Variants in APTX observed in about 807,000 individuals in gnomAD.
APTX encodes the protein forkhead-associated domain histidine triad-like protein.
In APTX, 33 loss-of-function variants were observed where a neutral mutation model predicts 42.3. The ratio of observed to expected loss-of-function variants is 0.78; its 90% CI spans 0.59 to 1.04. The LOEUF (loss-of-function observed/expected upper bound fraction) is 1.04. APTX is among the 50% of genes least tolerant of loss of function. APTX has a pLI of 0.00. For synonymous variants in APTX, 130 were observed against 146.7 expected, an observed-to-expected ratio of 0.89 and a Z score of 0.82; for missense variants, 421 against 415.1, an observed-to-expected ratio of 1.01 and a Z score of -0.12.
At chr9:32,986,632 G>T (rs1368193667) in intron 4 of APTX, among the ~76,000 whole-genome samples, 2 of 151,512 alleles carry the variant, frequency 1.3e-5, no homozygotes, top group African/African-American at 2.4e-5. Context: ...CTCTGGAGTT[G>T]CTGGGATTAT....
In APTX at chr9:32,986,546, A is replaced by G. The variant is rs560644184; in HGVS notation, c.484-516T>C. On this transcript the variant is annotated intron_variant, in intron 4 of 7. Transcript: ENST00000379817. ...AGATGGGGTTTCGCTCTTGTTGCCCAGGCTGGAGTACAATGGCGTGATCTC... is the reference window on the plus strand; with the variant it reads ...AGATGGGGTTTCGCTCTTGTTGCCCGGGCTGGAGTACAATGGCGTGATCTC... Among the ~76,000 whole-genome samples, 9 of 147,872 alleles carry G rather than the reference A, an allele frequency of 6.1e-5. No homozygotes were observed. The East Asian group carries it at 1.2e-3, about 20-fold the overall frequency.
chr9:32,988,095 G>A lies in APTX; in HGVS notation c.168C>T (p.Val56=), dbSNP rs1832633915. Residue 56 remains valine, a synonymous_variant, in exon 3 of 8, where the codon GTC becomes GTT. Transcript: ENST00000379817. ...TAAATACACCTACCTGCTTTACCTT[G>A]ACATATCCCTTGTTACACTCTGCTT... is the stretch of plus-strand genomic sequence containing the variant. The part of the protein sequence containing the change: ...QLKAECNKGY[V]KVKQVGVNPT... 1.2e-6 allele frequency: 2 copies of A among 1,613,992 alleles called. No individual in the cohort carries two copies. Among genetic ancestry groups the A allele is most frequent in the Non-Finnish European group, 1.7e-6 (2 of 1,179,916 alleles).
At chr9:32,995,336 C>A (rs1834573744) in intron 1 of APTX, among the ~76,000 whole-genome samples, 1 of 152,108 alleles carries the variant, frequency 6.6e-6, no homozygotes, top group Admixed American at 6.5e-5. Flanking sequence ...TTAACATAAA[C>A]AGGAGTTTGG....
intron 1 of APTX, among the ~76,000 whole-genome samples, chr9:32,991,866 T>C (rs1448578875): frequency 6.6e-6 from 1 of 151,148 alleles, no homozygotes; most frequent in African/African-American, 2.4e-5. Flanking sequence ...CAAGGAGACA[T>C]AATTTGGGGA....
chr9:32,998,480 T>C (rs1030013915), intron 1 of APTX, among the ~76,000 whole-genome samples: 1 of 152,108 alleles, frequency 6.6e-6, no homozygotes, highest in African/African-American at 2.4e-5. Context: ...CAAATGCCCA[T>C]CAATGATAGA....
intron 1 of APTX, among the ~76,000 whole-genome samples, chr9:32,993,743 C>A (rs1005227085): frequency 9.0e-5 from 12 of 133,578 alleles, no homozygotes; most frequent in Admixed American, 8.8e-4. Flanking sequence ...TTTTTTGAGA[C>A]AGAGTTTTGC....
Position 32,986,081 on chromosome 9 carries a change from A to G in APTX, c.484-51T>C. ...AAAAAAAAAAAAAAACAAGCAATGT[A>G]AATTACAAATGCCAATAATTAAATT... On this transcript the variant is annotated intron_variant, in intron 4 of 7. Transcript: ENST00000379817. 2.7e-6 allele frequency: 4 copies of G among 1,482,912 alleles called. No individual in the cohort carries two copies. In the South Asian group the frequency reaches 3.5e-5, roughly 13 times the overall value. The allele number at this position is 1,482,912 out of a possible 1,614,324, so 91.9% of individuals were successfully genotyped here.
chr9:33,005,457 G>A (rs1837071074), upstream of APTX, among the ~76,000 whole-genome samples: 2 of 151,872 alleles, frequency 1.3e-5, no homozygotes, highest in African/African-American at 2.4e-5. Context: ...GTTTTTGTGA[G>A]ACAGAGTCTT....
At chr9:32,977,524 C>A (rs2118406789) in intron 6 of APTX, among the ~76,000 whole-genome samples, 1 of 150,104 alleles carries the variant, frequency 6.7e-6, no homozygotes, top group African/African-American at 2.4e-5. Context: ...TAAAAAAATT[C>A]ATTTATAAAA....
At chr9:33,004,630 C>CTTT (rs3065216), upstream of APTX, among the ~76,000 whole-genome samples, 91 of 125,682 alleles carry the variant, frequency 7.2e-4, 1 homozygote, top group Non-Finnish European at 9.5e-4. Flanking sequence ...CTTGCCAACC[C>CTTT]TTTTTTTTTT....
At chr9:32,999,889 G>A (rs1835856826) in intron 1 of APTX, among the ~76,000 whole-genome samples, 1 of 152,194 alleles carries the variant, frequency 6.6e-6, no homozygotes, top group African/African-American at 2.4e-5. Context: ...GAACCCGGGA[G>A]GCGGAGCTTG....
At chr9:32,981,422 ATG>A (rs766271125) in intron 6 of APTX, among the ~76,000 whole-genome samples, 2 of 150,216 alleles carry the variant, frequency 1.3e-5, no homozygotes, top group Non-Finnish European at 3.0e-5. Context: ...AGGGGTGTGT[ATG>A]TGTGTGTGTG....
intron 1 of APTX, among the ~76,000 whole-genome samples, chr9:33,015,423 G>A (rs1427878475): frequency 2.0e-5 from 3 of 152,040 alleles, no homozygotes; most frequent in Admixed American, 6.6e-5. Context: ...GCAATGGCGC[G>A]ATCTCAGCTC....
chr9:32,989,752 C>A lies in APTX; in HGVS notation c.133+7G>T, dbSNP rs770529387. 3.7e-6 allele frequency: 6 copies of A among 1,614,096 alleles called. No individual in the cohort carries two copies. In the African/African-American group the frequency reaches 8.0e-5, roughly 22 times the overall value. ...ATAGTAATCTCCACATTTCTATGAC[C>A]AGTTACCTTGCTGTCGAGAACATTT... On this transcript the variant is annotated splice_region_variant and intron_variant, in intron 2 of 7. Coordinates refer to ENST00000379817, the MANE Select transcript of APTX (RefSeq NM_001195248.2).
At chr9:32,982,258 G>C (rs1425336228) in intron 6 of APTX, among the ~76,000 whole-genome samples, 1 of 152,158 alleles carries the variant, frequency 6.6e-6, no homozygotes. Flanking sequence ...AAAGTGTCAA[G>C]GTCATGAAAG....
chr9:32,999,351 G>C (rs376601385), intron 1 of APTX, among the ~76,000 whole-genome samples: 1 of 152,212 alleles, frequency 6.6e-6, no homozygotes, highest in Non-Finnish European at 1.5e-5. Context: ...TGGATATAAA[G>C]AGAAAGAAAG....
chr9:32,985,571 G>T (rs183062013), intron 5 of APTX, among the ~76,000 whole-genome samples: 2 of 151,948 alleles, frequency 1.3e-5, no homozygotes, highest in Non-Finnish European at 2.9e-5. Flanking sequence ...CCTGACCTCA[G>T]GTGATCCTCC....
Position 33,001,602 on chromosome 9 carries a change from C to T in APTX, c.-40G>A, listed in dbSNP as rs560484357. 6.2e-7 allele frequency: 1 copy of T among 1,613,986 alleles called. No individual in the cohort carries two copies. Among genetic ancestry groups the T allele is most frequent in the South Asian group, 1.1e-5 (1 of 91,044 alleles). ...CGGAGACGGACAAATTCACGTTACT[C>T]ATCTGTGCCTCACCGCTTCCGGCGC... On this transcript the variant is annotated 5_prime_UTR_variant, in exon 1 of 8. It removes an upstream start codon present in the reference 5' UTR. Coordinates refer to ENST00000379817, the MANE Select transcript of APTX (RefSeq NM_001195248.2).
exon 1 of APTX, chr9:33,025,084 A>T (rs1324691400): frequency 6.6e-6 from 1 of 152,414 alleles, no homozygotes; most frequent in Non-Finnish European, 1.5e-5. Context: ...AGAAGATTCC[A>T]CGAGCGCCGG....
Sources: gnomAD v4.1 joint callset for allele counts (sites outside exome capture counted in the v4.1 genomes callset) on GRCh38, gnomAD v4.1.1 for gene constraint, MANE v1.5 for transcripts, NCBI Gene and HGNC (gene_info 2026-07-23, HGNC 2026-07-21) for gene names.